ACSL6: variants seen among roughly 807,000 people sequenced by gnomAD.
ACSL6 encodes long-chain-fatty-acid--CoA ligase 6.
In ACSL6, 47 loss-of-function variants were observed where a neutral mutation model predicts 98.2. That is an observed-to-expected ratio of 0.48 (90% CI 0.38 to 0.61). The LOEUF (loss-of-function observed/expected upper bound fraction) is 0.61, where lower values mean the gene tolerates loss of function less well. Among genes scored for constraint, ACSL6 ranks in the 20% least tolerant of loss-of-function variants. ACSL6 has a pLI of 0.00. For missense variants in ACSL6, 761 were observed against 913.4 expected, an observed-to-expected ratio of 0.83 and a Z score of 2.15; for synonymous variants, 362 against 336.9, an observed-to-expected ratio of 1.07 and a Z score of -0.82.
intron 1 of ACSL6, chr5:132,003,809 T>C (rs1397485152): frequency 6.6e-6 from 1 of 151,986 alleles, no homozygotes; most frequent in Non-Finnish European, 1.5e-5. Context: ...AGGAAAGCAC[T>C]ACGTAAGTTC....
Position 132,011,343 on chromosome 5 carries a change from G to A in ACSL6, c.49+162C>T, listed in dbSNP as rs1298313040. The A allele has an allele frequency of 7.0e-6, 5 of 710,646 alleles. No individual in the cohort carries two copies. Among genetic ancestry groups the A allele is most frequent in the Admixed American group, 5.0e-5 (2 of 40,386 alleles). 44.0% of individuals were successfully genotyped at this position (710,646 alleles called of 1,614,324 possible). ...GGCCCGGAGCCCGCGAGAACTGGGG[G>A]CGGAGGGTGTACTTAGGCGGCCCTG... On this transcript the variant is annotated intron_variant, in intron 1 of 20. Transcript: ENST00000651883. This position sits in a 1 kb window ranked among gnomAD's most constrained non-coding sequence, Gnocchi z 5.4.
At chr5:131,966,667 A>G (rs974866180) in intron 16 of ACSL6, 135 bp from the exon 17 acceptor site, 3 of 774,018 alleles carry the variant, frequency 3.9e-6, no homozygotes, top group Non-Finnish European at 6.7e-6. Context: ...GGATGGAAAC[A>G]GAGGACAAGG....
At chr5:131,987,597 C>T (rs754225088) in intron 7 of ACSL6, among the ~76,000 whole-genome samples, 1 of 152,216 alleles carries the variant, frequency 6.6e-6, no homozygotes, top group Non-Finnish European at 1.5e-5. Context: ...CTGCCACCAA[C>T]CTGATGTCTC....
intron 19 of ACSL6, 101 bp downstream of exon 19, chr5:131,960,419 A>T: frequency 1.2e-6 from 1 of 835,894 alleles, no homozygotes; most frequent in Non-Finnish European, 1.8e-6. Flanking sequence ...GAAATTTCGT[A>T]CGAGCTCGAA....
chr5:131,977,807 G>A lies in ACSL6; in HGVS notation c.917-1086C>T, dbSNP rs563044760. Among the ~76,000 whole-genome samples the A allele has an allele frequency of 3.3e-5, 5 of 152,236 alleles. No homozygotes were observed. The South Asian group carries it at 8.3e-4, about 25-fold the overall frequency. ...GTGTTGTACTCGATGCCCCTGAATTGCTCACTTTAAAATGGAGTTGATTTT... is the reference window on the plus strand; with the variant it reads ...GTGTTGTACTCGATGCCCCTGAATTACTCACTTTAAAATGGAGTTGATTTT... On this transcript the variant is annotated intron_variant, in intron 9 of 20. Transcript: ENST00000651883.
At chr5:131,991,011 G>C (rs1328876535) in intron 2 of ACSL6, 44 bp from the exon 3 acceptor site, 1 of 1,574,798 alleles carries the variant, frequency 6.4e-7, no homozygotes, top group Admixed American at 1.7e-5. Context: ...GAGGCAGGTA[G>C]GGGTGCCAGG....
chr5:131,985,053 G>A, intron 9 of ACSL6: 1 of 299,058 alleles, frequency 3.3e-6, no homozygotes, highest in Non-Finnish European at 6.7e-6. Context: ...CAACACAAAG[G>A]CCAGGCAGGG....
chr5:131,952,171 T>G lies in ACSL6; in HGVS notation c.*2063A>C. The G allele has an allele frequency of 5.4e-6, 1 of 183,950 alleles. No individual in the cohort carries two copies. Among genetic ancestry groups the G allele is most frequent in the East Asian group, 8.9e-5 (1 of 11,282 alleles). 11.4% of individuals were successfully genotyped at this position (183,950 alleles called of 1,614,324 possible). A position where few individuals can be genotyped will look rare whatever the true frequency, so the allele number is the denominator to read the frequency against. On this transcript the variant is annotated 3_prime_UTR_variant, in exon 21 of 21. Coordinates refer to ENST00000651883, the MANE Select transcript of ACSL6 (RefSeq NM_001009185.3). ...GTCAAATATATATTAAATATAAAAA[T>G]CTAATGCTGTACAGATGTGACTTTG...
At chr5:131,995,609 A>C (rs1754758042) in intron 1 of ACSL6, among the ~76,000 whole-genome samples, 2 of 152,222 alleles carry the variant, frequency 1.3e-5, no homozygotes, top group Admixed American at 1.3e-4. Context: ...GATATGAGCC[A>C]AAAAATTGCT....
chr5:131,972,347 G>C (rs995255346), intron 13 of ACSL6, among the ~76,000 whole-genome samples: 2 of 152,084 alleles, frequency 1.3e-5, no homozygotes, highest in Non-Finnish European at 2.9e-5. Context: ...GAACCATTTG[G>C]CTAGACCCAT....
chr5:132,003,524 T>C (rs1755208012), intron 1 of ACSL6: 1 of 152,242 alleles, frequency 6.6e-6, no homozygotes, highest in Admixed American at 6.5e-5. Context: ...GGCCTGCTGC[T>C]GGCAGGAGGG....
chr5:132,006,873 C>A (rs1037513972), intron 1 of ACSL6: 5 of 151,856 alleles, frequency 3.3e-5, no homozygotes, highest in African/African-American at 9.7e-5. Flanking sequence ...GGAGTTTACA[C>A]CTGCTTTTCC....
chr5:131,965,507 G>C (rs918911374), intron 17 of ACSL6, among the ~76,000 whole-genome samples: 7 of 152,314 alleles, frequency 4.6e-5, no homozygotes, highest in African/African-American at 1.7e-4. Context: ...ATCAGTTGAG[G>C]TCAGGGGTTT....
intron 1 of ACSL6, among the ~76,000 whole-genome samples, chr5:132,001,481 A>C (rs1188617899): frequency 6.6e-6 from 1 of 152,144 alleles, no homozygotes; most frequent in Non-Finnish European, 1.5e-5. Context: ...GCAGAAATGG[A>C]GCAAAGAGCC....
intron 1 of ACSL6, chr5:131,994,494 G>T (rs1034817142): frequency 7.7e-6 from 4 of 521,344 alleles, no homozygotes; most frequent in African/African-American, 3.8e-5. Flanking sequence ...AGAATCATAC[G>T]CTCAGGCCCT....
chr5:131,975,089 G>T, intron 10 of ACSL6, 119 bp from the exon 11 acceptor site: 1 of 1,443,126 alleles, frequency 6.9e-7, no homozygotes, highest in Non-Finnish European at 9.3e-7. Flanking sequence ...GAGGGGGAGG[G>T]GAATGGGAGT....
rs1373755312 is a variant in ACSL6, at chr5:131,950,605, T to C, written c.*3629A>G. 5.2e-6 allele frequency: 1 copy of C among 192,792 alleles called. No homozygotes were observed. Among genetic ancestry groups the C allele is most frequent in the African/African-American group, 2.3e-5 (1 of 43,150 alleles). 11.9% of individuals were successfully genotyped at this position (192,792 alleles called of 1,614,324 possible). A position where few individuals can be genotyped will look rare whatever the true frequency, so the allele number is the denominator to read the frequency against. ...TTTTTCCTGAGATATTAAGCACATTTGTAAGTAGTCTGTTTTCATGCAAAA... is the reference window on the plus strand; with the variant it reads ...TTTTTCCTGAGATATTAAGCACATTCGTAAGTAGTCTGTTTTCATGCAAAA... On this transcript the variant is annotated 3_prime_UTR_variant, in exon 21 of 21. Transcript: ENST00000651883.
At chr5:131,968,173 C>T in intron 15 of ACSL6, 145 bp from the exon 16 acceptor site, 1 of 637,082 alleles carries the variant, frequency 1.6e-6, no homozygotes, top group Non-Finnish European at 2.7e-6. Flanking sequence ...GCATTTGTTA[C>T]TGCAAGTGTT....
chr5:131,974,808 C>T (rs1270644146), intron 11 of ACSL6, 85 bp downstream of exon 11: 2 of 1,612,996 alleles, frequency 1.2e-6, no homozygotes, highest in East Asian at 2.2e-5. Flanking sequence ...GAAATGTGCA[C>T]ATCCGCACAA....
Sources: allele counts gnomAD v4.1 joint callset (sites outside exome capture counted in the v4.1 genomes callset), GRCh38; gene constraint gnomAD v4.1.1; non-coding constraint Gnocchi (gnomAD v3.1); transcripts MANE v1.5; gene names NCBI Gene and HGNC (gene_info 2026-07-23, HGNC 2026-07-21).